The following PATL1 variants were observed in gnomAD, a reference collection of about 807,000 sequenced individuals.
PATL1 encodes PAT1 homolog 1, processing body mRNA decay factor.
PATL1 carries 32 observed loss-of-function variants against 100.6 expected under a neutral mutation model. That is an observed-to-expected ratio of 0.32 (90% CI 0.24 to 0.43). The LOEUF (loss-of-function observed/expected upper bound fraction) is 0.43. Ranked by LOEUF, PATL1 falls within the 20% of genes least tolerant of loss-of-function variation. PATL1 has a pLI of 1.00. For synonymous variants in PATL1, 332 were observed against 330.0 expected (o/e 1.01, Z -0.07); for missense variants, 747 against 949.9 (o/e 0.79, Z 2.81).
At chr11:59,653,097 G>A in intron 9 of PATL1, 79 bp from the exon 10 acceptor site, 1 of 894,366 alleles carries the variant, frequency 1.1e-6, no homozygotes. Flanking sequence ...AACCAGGCCA[G>A]TTTTTTTTTT....
chr11:59,667,341 T>A (rs1305661289), intron 1 of PATL1, among the ~76,000 whole-genome samples: 1 of 152,220 alleles, frequency 6.6e-6, no homozygotes, highest in Non-Finnish European at 1.5e-5. Flanking sequence ...TCTTGTATCT[T>A]TATGTATCTT....
Position 59,647,772 on chromosome 11 carries a change from C to G in PATL1, c.1875G>C (p.Lys625Asn), listed in dbSNP as rs770885414. ...TTARNLPFLIKKDAQDEVLPC... is the reference protein window; with the variant it reads ...TTARNLPFLINKDAQDEVLPC... ...TAGTCACCTCATCTTGTGCATCCTTCTTGATAAGGAAAGGGAGGTTCCTGG... is the reference window on the plus strand; with the variant it reads ...TAGTCACCTCATCTTGTGCATCCTTGTTGATAAGGAAAGGGAGGTTCCTGG... The change falls in exon 15 of 19, where the codon AAG (lysine) becomes AAC (asparagine). Residue 625 changes from lysine (K) to asparagine (N), a missense_variant. By Grantham distance (94) the Lys-to-Asn change is moderately conservative. This residue lies in a region of PATL1 where 434 missense variants were observed against 596.1 expected (regional missense o/e 0.73). Coordinates refer to ENST00000300146, the MANE Select transcript of PATL1 (RefSeq NM_152716.3). 1 of 1,613,980 alleles carries G rather than the reference C, an allele frequency of 6.2e-7. No homozygotes were observed. The highest frequency in any genetic ancestry group is 8.5e-7 in the Non-Finnish European group (1 of 1,179,884).
chr11:59,666,018 T>G (rs1313434903), intron 2 of PATL1, among the ~76,000 whole-genome samples: 2 of 152,276 alleles, frequency 1.3e-5, no homozygotes, highest in Admixed American at 1.3e-4. Flanking sequence ...CTGGGCGCGG[T>G]GGCTCAGGCC....
chr11:59,666,978 A>C lies in PATL1; in HGVS notation c.16-14T>G, dbSNP rs558894240. 4.0e-5 allele frequency: 62 copies of C among 1,536,392 alleles called. No homozygotes were observed. The highest frequency in any genetic ancestry group is 1.2e-4 in the South Asian group (10 of 80,478). On this transcript the variant is annotated splice_polypyrimidine_tract_variant and intron_variant, in intron 1 of 18. Coordinates refer to ENST00000300146, the MANE Select transcript of PATL1 (RefSeq NM_152716.3). Reference sequence around the variant, plus strand: ...ATCCTCCAAAGACTAAAAAAAAAGAAAAGACATTAGTTATTCATGAAATTC... The same window carrying C: ...ATCCTCCAAAGACTAAAAAAAAAGACAAGACATTAGTTATTCATGAAATTC...
intron 2 of PATL1, among the ~76,000 whole-genome samples, chr11:59,666,503 T>C (rs907367259): frequency 2.0e-5 from 3 of 152,228 alleles, no homozygotes; most frequent in Non-Finnish European, 2.9e-5. Context: ...TTATATGTTA[T>C]ACAAATAAAA....
rs1336719528 is a variant in PATL1, at chr11:59,640,393, G to A, written c.2050-1010C>T. ...AAAAATGTGTTTTATTTAGTGGACA[G>A]TAAAATCAGGAAATGTAGTCTTTGG... is the stretch of plus-strand genomic sequence containing the variant. On this transcript the variant is annotated intron_variant, in intron 16 of 18. Transcript: ENST00000300146. Among the ~76,000 whole-genome samples, 4 of 150,736 alleles carry A rather than the reference G, an allele frequency of 2.7e-5. No individual in the cohort carries two copies. The South Asian group carries it at 8.4e-4, about 32-fold the overall frequency.
At chr11:59,644,397 A>G (rs1861331722) in intron 15 of PATL1, among the ~76,000 whole-genome samples, 1 of 152,092 alleles carries the variant, frequency 6.6e-6, no homozygotes, top group African/African-American at 2.4e-5. Flanking sequence ...ATTCCCTCAA[A>G]TGCCTTTAAA....
chr11:59,657,218 C>T, intron 5 of PATL1: 1 of 825,584 alleles, frequency 1.2e-6, no homozygotes, highest in Non-Finnish European at 1.5e-6. Context: ...GTTCCCACTC[C>T]CCCCGGCTTT....
At chr11:59,668,843 G>A (rs1296555632) in intron 1 of PATL1, 38 bp downstream of exon 1, 12 of 1,211,334 alleles carry the variant, frequency 9.9e-6, no homozygotes, top group Non-Finnish European at 1.4e-5. Context: ...AGGGGCGCGG[G>A]AGGGAGGGAG....
intron 15 of PATL1, among the ~76,000 whole-genome samples, chr11:59,644,697 C>T (rs1565130826): frequency 6.6e-6 from 1 of 152,006 alleles, no homozygotes; most frequent in Non-Finnish European, 1.5e-5. Flanking sequence ...GATTCAGGTT[C>T]AGTAGGATGT....
In PATL1 at chr11:59,654,013, A is replaced by C; in HGVS notation, c.1091T>G (p.Leu364Arg). 1.2e-6 allele frequency: 2 copies of C among 1,613,748 alleles called. No homozygotes were observed. Among genetic ancestry groups the C allele is most frequent in the Non-Finnish European group, 1.7e-6 (2 of 1,179,652 alleles). Reference protein sequence around the residue: ...TTHLHPQHRRLLHQRQQQNRS... With the variant: ...TTHLHPQHRRRLHQRQQQNRS... ...ATTCTGTTGCTGTCTCTGATGCAAG[A>C]GTCGACGGTGCTGTGGATGGAGGTG... The change falls in exon 9 of 19, where the codon CTC (leucine) becomes CGC (arginine). Residue 364 changes from leucine (L) to arginine (R), a missense_variant. Physicochemically the swap from Leu to Arg is moderately radical, Grantham distance 102 (BLOSUM62 -2). Around this residue, in one of 4 missense-constraint regions of PATL1, gnomAD observed 434 missense variants for 596.1 expected, o/e 0.73. Transcript: ENST00000300146.
intron 14 of PATL1, among the ~76,000 whole-genome samples, chr11:59,649,056 G>A (rs1332905926): frequency 6.6e-6 from 1 of 152,142 alleles, no homozygotes; most frequent in Non-Finnish European, 1.5e-5. Context: ...ATATTTTGTG[G>A]AAATCCCAGG....
Position 59,649,619 on chromosome 11 carries a change from G to T in PATL1, c.1585-9C>A, listed in dbSNP as rs1385859287. 3.1e-6 allele frequency: 5 copies of T among 1,610,056 alleles called. No homozygotes were observed. The highest frequency in any genetic ancestry group is 4.2e-6 in the Non-Finnish European group (5 of 1,178,128). The stretch of plus-strand genomic sequence containing the variant: ...AGGAGTAAGCTGTAGGTCTAAGAAG[G>T]GAGACAAAAGCAGGCCACAGCATGC... On this transcript the variant is annotated splice_polypyrimidine_tract_variant and intron_variant, in intron 13 of 18. Coordinates refer to ENST00000300146, the MANE Select transcript of PATL1 (RefSeq NM_152716.3).
intron 1 of PATL1, among the ~76,000 whole-genome samples, chr11:59,667,410 C>T (rs1270411335): frequency 6.6e-6 from 1 of 152,014 alleles, no homozygotes; most frequent in African/African-American, 2.4e-5. Context: ...ACTATTATTC[C>T]GTTTTAAAGC....
At chr11:59,652,407 C>T (rs1861460407) in intron 11 of PATL1, 57 bp downstream of exon 11, 3 of 1,570,176 alleles carry the variant, frequency 1.9e-6, no homozygotes, top group Non-Finnish European at 2.6e-6. Context: ...TATTTAATCA[C>T]ATCAGCAGCT....
At chr11:59,651,916 T>A (rs990820060) in intron 11 of PATL1, among the ~76,000 whole-genome samples, 1 of 151,296 alleles carries the variant, frequency 6.6e-6, no homozygotes, top group South Asian at 2.1e-4. Context: ...AATACAAAAA[T>A]TAGCTGGATG....
chr11:59,646,272 T>C (rs1861364072), intron 15 of PATL1, among the ~76,000 whole-genome samples: 1 of 148,796 alleles, frequency 6.7e-6, no homozygotes, highest in Non-Finnish European at 1.5e-5. Context: ...ATTTTTCATT[T>C]GTGGAATTTT....
chr11:59,645,490 C>G (rs917735594), intron 15 of PATL1, among the ~76,000 whole-genome samples: 3 of 150,578 alleles, frequency 2.0e-5, no homozygotes, highest in Non-Finnish European at 3.0e-5. Flanking sequence ...CTAATTTTAT[C>G]ATTTCTTTTG....
chr11:59,661,646 G>A (rs1180669988), intron 2 of PATL1, among the ~76,000 whole-genome samples: 1 of 152,120 alleles, frequency 6.6e-6, no homozygotes, highest in Non-Finnish European at 1.5e-5. Context: ...TGCTTTCAGA[G>A]AAAATACATG....
Sources: gnomAD v4.1 joint callset for allele counts (sites outside exome capture counted in the v4.1 genomes callset) on GRCh38, gnomAD v4.1.1 for gene constraint, gnomAD v4.1.1 regional missense constraint, MANE v1.5 for transcripts, NCBI Gene and HGNC (gene_info 2026-07-23, HGNC 2026-07-21) for gene names.